The following MEAK7 variants were observed in gnomAD, a reference collection of about 807,000 sequenced individuals.
MEAK7 encodes the protein MTOR associated protein MEAK7.
A neutral mutation model predicts 40.5 loss-of-function variants in MEAK7; 68 were observed. That is an observed-to-expected ratio of 1.68 (90% CI 1.38 to 2.06). The LOEUF (loss-of-function observed/expected upper bound fraction) is 2.06, where lower values mean the gene tolerates loss of function less well. MEAK7 is among the 30% of genes most tolerant of loss of function. The pLI, the probability that MEAK7 is intolerant of heterozygous loss-of-function variation, is 0.00. For missense variants in MEAK7, 918 were observed against 580.5 expected (o/e 1.58, Z -5.98); for synonymous variants, 338 against 231.9 (o/e 1.46, Z -4.16).
chr16:84,481,560 G>A (rs1912545421), intron 6 of MEAK7, among the ~76,000 whole-genome samples: 1 of 152,188 alleles, frequency 6.6e-6, no homozygotes, highest in Admixed American at 6.5e-5. Context: ...TGGTAAGCCT[G>A]GGAAGGACGC....
intron 1 of MEAK7, among the ~76,000 whole-genome samples, chr16:84,503,709 G>C (rs898459234): frequency 6.6e-6 from 1 of 152,186 alleles, no homozygotes; most frequent in Non-Finnish European, 1.5e-5. Context: ...CTTAGAACAA[G>C]AGAAACTGCC....
Position 84,478,928 on chromosome 16 carries a change from T to C in MEAK7, c.*985A>G, listed in dbSNP as rs1912264298. 6.6e-6 allele frequency: 1 copy of C among 152,228 alleles called. No individual in the cohort carries two copies. Among genetic ancestry groups the C allele is most frequent in the East Asian group, 1.9e-4 (1 of 5,198 alleles). 9.4% of individuals were successfully genotyped at this position (152,228 alleles called of 1,614,324 possible). A position where few individuals can be genotyped will look rare whatever the true frequency, so the allele number is the denominator to read the frequency against. ...CACCACTGATTTATGGAATGGACCA[T>C]ATACGTATTTATCAACCAAGTTCCC... On this transcript the variant is annotated 3_prime_UTR_variant, in exon 8 of 8. Transcript: ENST00000343629.
At chr16:84,483,439 G>A (rs1003272054) in intron 5 of MEAK7, among the ~76,000 whole-genome samples, 13 of 152,224 alleles carry the variant, frequency 8.5e-5, no homozygotes, top group Admixed American at 2.0e-4. Flanking sequence ...AGGGCTGCCC[G>A]CCTCGACACC....
intron 3 of MEAK7, chr16:84,494,703 A>C: frequency 2.5e-6 from 1 of 402,490 alleles, no homozygotes; most frequent in Non-Finnish European, 4.9e-6. Flanking sequence ...ATGAGACTTC[A>C]CAACCTGGTA....
At chr16:84,484,692 A>G (rs1256903634) in intron 5 of MEAK7, among the ~76,000 whole-genome samples, 1 of 152,166 alleles carries the variant, frequency 6.6e-6, no homozygotes, top group Non-Finnish European at 1.5e-5. Context: ...TGTTTGTCCC[A>G]CAGCTATTAA....
Position 84,477,914 on chromosome 16 carries a change from A to G in MEAK7, c.*1999T>C, listed in dbSNP as rs1467542345. The G allele has an allele frequency of 6.6e-6, 1 of 152,184 alleles. No homozygotes were observed. The highest frequency in any genetic ancestry group is 1.5e-5 in the Non-Finnish European group (1 of 68,056). The allele number at this position is 152,184 out of a possible 1,614,324, so 9.4% of individuals were successfully genotyped here. ...AAGTGCACTGCCTGGAAGCAGGTGCATTCGTGATCTGCACTCTCCTTAGAA... is the reference window on the plus strand; with the variant it reads ...AAGTGCACTGCCTGGAAGCAGGTGCGTTCGTGATCTGCACTCTCCTTAGAA... On this transcript the variant is annotated 3_prime_UTR_variant, in exon 8 of 8. Coordinates refer to ENST00000343629, the MANE Select transcript of MEAK7 (RefSeq NM_020947.4).
rs1914012529 is a variant in MEAK7, at chr16:84,495,942, TAGAC to T, written c.154-33_154-30del. The T allele has an allele frequency of 3.1e-6, 5 of 1,609,944 alleles. 1 individual carries two copies. Among genetic ancestry groups the T allele is most frequent in the Admixed American group, 3.3e-5 (2 of 59,978 alleles). On this transcript the variant is annotated intron_variant, in intron 2 of 7. Transcript: ENST00000343629. ...CCGGGGACAAGCAGAAAAATATGGT[TAGAC>T]AGTGCACAAGTTGAACTTGGTTACT...
At chr16:84,481,269 A>T (rs1001290411) in intron 6 of MEAK7, among the ~76,000 whole-genome samples, 1 of 152,178 alleles carries the variant, frequency 6.6e-6, no homozygotes, top group African/African-American at 2.4e-5. Flanking sequence ...GAGCTGTTCA[A>T]TCTCACCCTG....
At chr16:84,495,193 T>C (rs965915472) in intron 3 of MEAK7, among the ~76,000 whole-genome samples, 4 of 152,226 alleles carry the variant, frequency 2.6e-5, no homozygotes, top group Middle Eastern at 3.4e-3. Flanking sequence ...CACTTGAACC[T>C]GAGAGGCAGA....
At chr16:84,488,322 A>C (rs1231630544) in intron 4 of MEAK7, 1 of 152,210 alleles carries the variant, frequency 6.6e-6, no homozygotes, top group East Asian at 1.9e-4. Context: ...CTAACTTCTG[A>C]AATATAACCT....
At position 84,476,434 on chromosome 16, in the gene MEAK7, G is replaced by C. The variant is rs1396911071; in HGVS notation, c.*3479C>G. 6.6e-6 allele frequency: 1 copy of C among 152,052 alleles called. No individual in the cohort carries two copies. The highest frequency in any genetic ancestry group is 2.1e-4 in the South Asian group (1 of 4,810). The allele number at this position is 152,052 out of a possible 1,614,324, so 9.4% of individuals were successfully genotyped here. A position where few individuals can be genotyped will look rare whatever the true frequency, so the allele number is the denominator to read the frequency against. On this transcript the variant is annotated 3_prime_UTR_variant, in exon 8 of 8. Transcript: ENST00000343629. The stretch of plus-strand genomic sequence containing the variant: ...CACCCCGGTATATTGAGTATAAATT[G>C]AGCTCAAGAGGTTTTTTTAATTCAT...
chr16:84,489,317 C>A lies in MEAK7; in HGVS notation c.490G>T (p.Val164Leu). 2 of 1,614,208 alleles carry A rather than the reference C, an allele frequency of 1.2e-6. No homozygotes were observed. The highest frequency in any genetic ancestry group is 1.1e-5 in the South Asian group (1 of 91,090). Residue 164 changes from valine (V) to leucine (L), a missense_variant, in exon 4 of 8, where the codon GTG (valine) becomes TTG (leucine). Physicochemically the swap from Val to Leu is conservative, Grantham distance 32 (BLOSUM62 1). Coordinates refer to ENST00000343629, the MANE Select transcript of MEAK7 (RefSeq NM_020947.4). The part of the protein sequence containing the change: ...EAPGPNPRVQ[V>L]LAAQLLSDMK... ...TCAGAGAGCAGCTGAGCAGCCAGCACCTGCACCCGGGGGTTGGGCCCTGGG... is the reference window on the plus strand; with the variant it reads ...TCAGAGAGCAGCTGAGCAGCCAGCAACTGCACCCGGGGGTTGGGCCCTGGG...
chr16:84,481,896 T>C (rs977712844), intron 6 of MEAK7, among the ~76,000 whole-genome samples: 3 of 152,008 alleles, frequency 2.0e-5, no homozygotes, highest in Non-Finnish European at 4.4e-5. Context: ...ATCGCGCCAC[T>C]GCACTCCAGC....
rs938167575 is a variant in MEAK7, at chr16:84,504,652, C to T, written c.-77G>A. On this transcript the variant is annotated 5_prime_UTR_variant, in exon 1 of 8. Transcript: ENST00000343629. ...GTCCGGTCCAGCAGCCCACGGGCTCCTCTCGAGAGCCGCCCCTTCCCTGTT... is the reference window on the plus strand; with the variant it reads ...GTCCGGTCCAGCAGCCCACGGGCTCTTCTCGAGAGCCGCCCCTTCCCTGTT... 46 of 985,534 alleles carry T rather than the reference C, an allele frequency of 4.7e-5. No homozygotes were observed. The highest frequency in any genetic ancestry group is 6.1e-5 in the Admixed American group (1 of 16,276). 61.0% of individuals were successfully genotyped at this position (985,534 alleles called of 1,614,324 possible). A position where few individuals can be genotyped will look rare whatever the true frequency, so the allele number is the denominator to read the frequency against.
rs1913111351 is a variant in MEAK7 at position 84,486,806 on chromosome 16, C to T, written c.783G>A (p.Glu261=). Residue 261 remains glutamate (E), a synonymous_variant, in exon 5 of 8, where the codon GAG becomes GAA. Coordinates refer to ENST00000343629, the MANE Select transcript of MEAK7 (RefSeq NM_020947.4). ...VMYINAQLPR[E]QRHRWCLLFS... Reference sequence around the variant, plus strand: ...AGAGCAGGCACCAGCGGTGCCGCTGCTCCCGAGGCAGCTGGGCGTTGATGT... The same window carrying T: ...AGAGCAGGCACCAGCGGTGCCGCTGTTCCCGAGGCAGCTGGGCGTTGATGT... 1.2e-6 allele frequency: 2 copies of T among 1,613,920 alleles called. No homozygotes were observed. Among genetic ancestry groups the T allele is most frequent in the African/African-American group, 1.3e-5 (1 of 74,916 alleles).
intron 1 of MEAK7, chr16:84,504,291 C>T: frequency 2.3e-6 from 1 of 430,580 alleles, no homozygotes; most frequent in Non-Finnish European, 3.1e-6. Flanking sequence ...CCCCCTTCAA[C>T]ACGGCTGGCC....
Position 84,486,765 on chromosome 16 carries a change from T to C in MEAK7, c.824A>G (p.His275Arg), listed in dbSNP as rs1232320875. The stretch of plus-strand genomic sequence containing the variant: ...ACAGAGCTGGGAGAAGCTGTGTCCA[T>C]GGAGCTCAGACGAAAAGAGCAGGCA... Reference protein sequence around the residue: ...RWCLLFSSELHGHSFSQLCGH... With the variant: ...RWCLLFSSELRGHSFSQLCGH... The change falls in exon 5 of 8, where the codon CAT (histidine) becomes CGT (arginine). Residue 275 changes from histidine (H) to arginine (R), a missense_variant. Physicochemically the swap from His to Arg is conservative, Grantham distance 29. Coordinates refer to ENST00000343629, the MANE Select transcript of MEAK7 (RefSeq NM_020947.4). 2 of 1,613,912 alleles carry C rather than the reference T, an allele frequency of 1.2e-6. No homozygotes were observed. The highest frequency in any genetic ancestry group is 1.3e-5 in the African/African-American group (1 of 74,924).
At chr16:84,493,191 T>C (rs1913770464) in intron 3 of MEAK7, among the ~76,000 whole-genome samples, 1 of 152,226 alleles carries the variant, frequency 6.6e-6, no homozygotes, top group Non-Finnish European at 1.5e-5. Flanking sequence ...TGTAAAGTTG[T>C]TGTATGCCAG....
chr16:84,500,775 G>A (rs78328880), intron 1 of MEAK7, among the ~76,000 whole-genome samples: 4,692 of 152,224 alleles, frequency 0.031, 259 homozygotes, highest in African/African-American at 0.11. Flanking sequence ...TGCACCGGCT[G>A]AGTCTGGGTG....
Sources: gnomAD v4.1 joint callset for allele counts (sites outside exome capture counted in the v4.1 genomes callset) on GRCh38, gnomAD v4.1.1 for gene constraint, MANE v1.5 for transcripts, NCBI Gene and HGNC (gene_info 2026-07-23, HGNC 2026-07-21) for gene names.